The following CNIH4 variants were observed in gnomAD, a reference collection of about 807,000 sequenced individuals.
The protein encoded by CNIH4 is protein cornichon homolog 4.
In CNIH4, 9 loss-of-function variants were observed where a neutral mutation model predicts 21.5. That is an observed-to-expected ratio of 0.42 (90% CI 0.25 to 0.73). CNIH4 has a LOEUF of 0.73. Among genes scored for constraint, CNIH4 ranks in the 30% least tolerant of loss-of-function variants. The pLI is 0.27. For synonymous variants in CNIH4, 67 were observed against 59.1 expected (o/e 1.13, Z -0.61); for missense variants, 159 against 170.0 (o/e 0.94, Z 0.36).
intron 2 of CNIH4, among the ~76,000 whole-genome samples, chr1:224,365,080 CTGT>C (rs1460425494): frequency 6.6e-6 from 1 of 152,174 alleles, no homozygotes; most frequent in Non-Finnish European, 1.5e-5. Context: ...CATTATTTAG[CTGT>C]GTAACCTTAG....
intron 3 of CNIH4, among the ~76,000 whole-genome samples, chr1:224,371,078 TG>T (rs1341256875): frequency 5.9e-5 from 9 of 152,168 alleles, no homozygotes; most frequent in Non-Finnish European, 1.2e-4. Context: ...GGTTTCACCA[TG>T]TTGGTCAAGC....
intron 3 of CNIH4, among the ~76,000 whole-genome samples, chr1:224,368,365 T>A (rs957127651): frequency 8.5e-5 from 13 of 152,196 alleles, no homozygotes; most frequent in African/African-American, 2.4e-4. Context: ...GATTCTTTTT[T>A]AAATATAATT....
intron 4 of CNIH4, among the ~76,000 whole-genome samples, chr1:224,373,046 A>G (rs1001522292): frequency 1.3e-5 from 2 of 152,094 alleles, no homozygotes; most frequent in African/African-American, 4.8e-5. Context: ...TCTTTTCACC[A>G]TTCATCTTAT....
intron 1 of CNIH4, 106 bp downstream of exon 1, chr1:224,357,099 G>A (rs575110488): frequency 1.5e-6 from 2 of 1,308,930 alleles, no homozygotes; most frequent in African/African-American, 1.5e-5. Context: ...GCCCGGCGGC[G>A]GGCGTGGGCT....
chr1:224,359,789 C>G (rs1672221564), intron 1 of CNIH4, among the ~76,000 whole-genome samples: 1 of 151,982 alleles, frequency 6.6e-6, no homozygotes, highest in African/African-American at 2.4e-5. Flanking sequence ...ATCCTGGGCT[C>G]TAGGCATTTT....
chr1:224,369,377 AT>A (rs1288589459), intron 3 of CNIH4, among the ~76,000 whole-genome samples: 1 of 152,122 alleles, frequency 6.6e-6, no homozygotes, highest in Non-Finnish European at 1.5e-5. Context: ...GTTCAGGACC[AT>A]CTTGGCCAAC....
intron 4 of CNIH4, among the ~76,000 whole-genome samples, chr1:224,371,959 C>A (rs1672643952): frequency 6.6e-6 from 1 of 152,048 alleles, no homozygotes; most frequent in African/African-American, 2.4e-5. Context: ...TTTTCCTTCC[C>A]TAGTAGTATA....
At chr1:224,368,514 C>T (rs1672530236) in intron 3 of CNIH4, among the ~76,000 whole-genome samples, 1 of 152,168 alleles carries the variant, frequency 6.6e-6, no homozygotes, top group South Asian at 2.1e-4. Context: ...TATTTTCAGA[C>T]CACTATACTT....
rs1241587921 is a variant in CNIH4, at chr1:224,377,873, G to GCTGT, written c.*2053_*2056dup. The GCTGT allele has an allele frequency of 1.3e-5, 2 of 152,146 alleles. No individual in the cohort carries two copies. The highest frequency in any genetic ancestry group is 2.4e-5 in the African/African-American group (1 of 41,418). 9.4% of individuals were successfully genotyped at this position (152,146 alleles called of 1,614,324 possible). On this transcript the variant is annotated 3_prime_UTR_variant, in exon 5 of 5. Transcript: ENST00000465271. ...CTCATGCAGTTGAGAGAGCCTTTGGGCTGTCAGTTTACAGTACATCAGGCT... is the reference window on the plus strand; with the variant it reads ...CTCATGCAGTTGAGAGAGCCTTTGGGCTGTCTGTCAGTTTACAGTACATCAGGCT...
chr1:224,357,228 G>A (rs1242114572), intron 1 of CNIH4: 2 of 450,244 alleles, frequency 4.4e-6, no homozygotes, highest in Non-Finnish European at 7.8e-6. Context: ...TGGGTTGCCG[G>A]CCGCCCCTCA....
chr1:224,375,433 TG>T (rs777026746), intron 4 of CNIH4, among the ~76,000 whole-genome samples: 13 of 145,888 alleles, frequency 8.9e-5, no homozygotes, highest in Non-Finnish European at 1.9e-4. Context: ...TAGAACAGTA[TG>T]TATCTGGCTA....
At chr1:224,363,720 A>G (rs1672367449) in intron 2 of CNIH4, among the ~76,000 whole-genome samples, 2 of 151,096 alleles carry the variant, frequency 1.3e-5, no homozygotes. Flanking sequence ...TCTGTCTTTG[A>G]TTTTGGAGGC....
chr1:224,364,199 GTA>G (rs1484409698), intron 2 of CNIH4: 21 of 983,270 alleles, frequency 2.1e-5, no homozygotes, highest in African/African-American at 3.5e-5. Flanking sequence ...ACCAGCTCTG[GTA>G]ACATAGGGAG....
intron 4 of CNIH4, among the ~76,000 whole-genome samples, chr1:224,375,496 G>T (rs991303539): frequency 6.0e-5 from 9 of 149,782 alleles, no homozygotes; most frequent in Admixed American, 1.3e-4. Context: ...GTTTTGTTTT[G>T]TTTTTTTTTA....
chr1:224,364,097 A>G (rs1271261800), intron 2 of CNIH4: 34 of 985,242 alleles, frequency 3.5e-5, no homozygotes, highest in Admixed American at 6.2e-5. Context: ...TGCTTCCTGA[A>G]ACATATTTCA....
chr1:224,369,898 A>C (rs1672574950), intron 3 of CNIH4, among the ~76,000 whole-genome samples: 1 of 151,570 alleles, frequency 6.6e-6, no homozygotes, highest in African/African-American at 2.4e-5. Flanking sequence ...TTGGTCTTGA[A>C]CTCAACCTCA....
rs1448831233 is a variant in CNIH4, at chr1:224,377,854, C to G, written c.*2032C>G. The G allele has an allele frequency of 6.6e-6, 1 of 152,118 alleles. No individual in the cohort carries two copies. The highest frequency in any genetic ancestry group is 2.4e-5 in the African/African-American group (1 of 41,408). The allele number at this position is 152,118 out of a possible 1,614,324, so 9.4% of individuals were successfully genotyped here. A position where few individuals can be genotyped will look rare whatever the true frequency, so the allele number is the denominator to read the frequency against. On this transcript the variant is annotated 3_prime_UTR_variant, in exon 5 of 5. Coordinates refer to ENST00000465271, the MANE Select transcript of CNIH4 (RefSeq NM_014184.4). ...TTAGTAACCAAAACAGTGACTCATG[C>G]AGTTGAGAGAGCCTTTGGGCTGTCA...
intron 3 of CNIH4, among the ~76,000 whole-genome samples, chr1:224,369,225 A>G (rs893057779): frequency 6.6e-6 from 1 of 152,184 alleles, no homozygotes; most frequent in Non-Finnish European, 1.5e-5. Context: ...ATTAATATGA[A>G]AGATTGGCTG....
At chr1:224,357,553 C>A (rs1201994959) in intron 1 of CNIH4, 1 of 152,420 alleles carries the variant, frequency 6.6e-6, no homozygotes, top group Non-Finnish European at 1.5e-5. Context: ...CCTTTCACAT[C>A]CAGGAGTTGA....
Sources: allele counts gnomAD v4.1 joint callset (sites outside exome capture counted in the v4.1 genomes callset), GRCh38; gene constraint gnomAD v4.1.1; transcripts MANE v1.5; gene names NCBI Gene and HGNC (gene_info 2026-07-23, HGNC 2026-07-21).